The following ARSG variants were observed in gnomAD, a reference collection of about 807,000 sequenced individuals.
ARSG encodes the protein ASG.
Under a neutral mutation model 50.5 loss-of-function variants are expected in ARSG, and 37 were observed. The ratio of observed to expected loss-of-function variants is 0.73; its 90% CI spans 0.56 to 0.96. The LOEUF is 0.96. Ranked by LOEUF, ARSG falls within the 50% of genes least tolerant of loss-of-function variation. The probability of loss-of-function intolerance (pLI) is 0.00; values close to 1 mark genes in which losing one functional copy is unlikely to be tolerated. For missense variants in ARSG, 629 were observed against 675.3 expected (o/e 0.93, Z 0.76); for synonymous variants, 225 against 254.6 (o/e 0.88, Z 1.11).
the ARSG span, chr17:68,428,676 G>A: frequency 4.9e-6 from 3 of 618,430 alleles, no homozygotes; most frequent in South Asian, 3.8e-5. Flanking sequence ...ACAGAGCCCG[G>A]TGCAGAGCAC....
chr17:68,357,348 T>C (rs2079078022), intron 6 of ARSG, among the ~76,000 whole-genome samples: 1 of 152,150 alleles, frequency 6.6e-6, no homozygotes, highest in Non-Finnish European at 1.5e-5. Flanking sequence ...GAGGATTCCT[T>C]CCTTGCCTTT....
intron 2 of ARSG, among the ~76,000 whole-genome samples, chr17:68,323,036 GCTCTCT>G (rs58760851): frequency 1.4e-5 from 2 of 147,478 alleles, no homozygotes; most frequent in East Asian, 2.0e-4. Flanking sequence ...ATAAGAGAGG[GCTCTCT>G]CTCTCTCTCT....
intron 10 of ARSG, among the ~76,000 whole-genome samples, chr17:68,396,417 A>C (rs2081253362): frequency 6.6e-6 from 1 of 152,098 alleles, no homozygotes; most frequent in Non-Finnish European, 1.5e-5. Context: ...TGAAGCACTC[A>C]TTGGCAGTGA....
Position 68,307,316 on chromosome 17 carries a change from C to T in ARSG, c.-178C>T. On this transcript the variant is annotated 5_prime_UTR_variant, in exon 2 of 12. Transcript: ENST00000621439. ...ATGGGGGCCTCATTTCTACAGCCCC[C>T]AACATTCCTATAGCCGTTATCACTG... is the stretch of plus-strand genomic sequence containing the variant. 1.7e-6 allele frequency: 1 copy of T among 588,240 alleles called. No individual in the cohort carries two copies. Among genetic ancestry groups the T allele is most frequent in the East Asian group, 2.8e-5 (1 of 35,650 alleles). The allele number at this position is 588,240 out of a possible 1,614,324, so 36.4% of individuals were successfully genotyped here. A position where few individuals can be genotyped will look rare whatever the true frequency, so the allele number is the denominator to read the frequency against.
intron 6 of ARSG, among the ~76,000 whole-genome samples, chr17:68,364,562 G>T (rs2079452181): frequency 6.6e-6 from 1 of 152,116 alleles, no homozygotes; most frequent in African/African-American, 2.4e-5. Flanking sequence ...GTTTCACCAT[G>T]TTGGCCAGGC....
chr17:68,444,260 A>G, the ARSG span, among the ~76,000 whole-genome samples: 18 of 152,244 alleles, frequency 1.2e-4, no homozygotes, highest in African/African-American at 4.1e-4. Flanking sequence ...GGTCCCAGAC[A>G]AAGGGTGTTG....
At chr17:68,408,357 G>A (rs1419793455) in intron 11 of ARSG, among the ~76,000 whole-genome samples, 1 of 143,106 alleles carries the variant, frequency 7.0e-6, no homozygotes, top group Non-Finnish European at 1.5e-5. Flanking sequence ...TCCCACCTAT[G>A]AGTGAGAAGA....
At chr17:68,345,679 A>T (rs1270049599) in intron 3 of ARSG, among the ~76,000 whole-genome samples, 1 of 152,140 alleles carries the variant, frequency 6.6e-6, no homozygotes, top group African/African-American at 2.4e-5. Flanking sequence ...GTCCATGTTT[A>T]TGTGTTGCCT....
rs186694744 is a variant in ARSG, at chr17:68,268,970, A to G, written c.-552+9544A>G. 1,375 of 1,516,618 alleles carry G rather than the reference A, an allele frequency of 9.1e-4. 7 individuals are homozygous for G. The highest frequency in any genetic ancestry group is 7.1e-3 in the Admixed American group (327 of 45,856). The allele number at this position is 1,516,618 out of a possible 1,614,324, so 93.9% of individuals were successfully genotyped here. ...TGTTGGTAGTGCTCTTCACATACAC[A>G]TTCCCTTTAAAATGTAGTTTTGAAA... On this transcript the variant is annotated intron_variant, in intron 1 of 11. Transcript: ENST00000448504.
intron 4 of ARSG, among the ~76,000 whole-genome samples, chr17:68,349,775 C>T (rs1042601194): frequency 5.3e-5 from 8 of 151,722 alleles, no homozygotes; most frequent in African/African-American, 9.7e-5. Context: ...CCCAGCTACT[C>T]GGGAGGCTGA....
intron 7 of ARSG, among the ~76,000 whole-genome samples, chr17:68,369,540 A>AC (rs940410052): frequency 6.0e-5 from 8 of 133,328 alleles, no homozygotes; most frequent in African/African-American, 2.4e-4. Flanking sequence ...ACTCTGTCTC[A>AC]AAAAAAAAAA....
intron 11 of ARSG, among the ~76,000 whole-genome samples, chr17:68,407,433 G>A (rs1361290979): frequency 6.6e-6 from 1 of 152,120 alleles, no homozygotes; most frequent in East Asian, 1.9e-4. Flanking sequence ...TGTTGGATTT[G>A]TAGATTGTTT....
At chr17:68,426,252 G>GGGGGGGGTGGGGT, downstream of ARSG, 1 of 828,188 alleles carries the variant, frequency 1.2e-6, no homozygotes, top group Non-Finnish European at 1.9e-6. Context: ...TGGGGAGCGG[G>GGGGGGGGTGGGGT]GGCTCAAATA....
At chr17:68,426,251 G>GGGGGGC, downstream of ARSG, 1 of 825,460 alleles carries the variant, frequency 1.2e-6, no homozygotes, top group South Asian at 1.3e-5. Context: ...GTGGGGAGCG[G>GGGGGGC]GGGCTCAAAT....
intron 9 of ARSG, among the ~76,000 whole-genome samples, chr17:68,389,439 T>C (rs972701860): frequency 7.2e-5 from 11 of 151,944 alleles, no homozygotes; most frequent in African/African-American, 2.4e-4. Flanking sequence ...TTGCCCCTCA[T>C]GTCTCCACGG....
intron 11 of ARSG, among the ~76,000 whole-genome samples, chr17:68,405,016 G>C (rs1438339017): frequency 1.3e-5 from 2 of 151,442 alleles, no homozygotes; most frequent in African/African-American, 4.9e-5. Context: ...AATTTCCACT[G>C]TCTATTCTAT....
the ARSG span, among the ~76,000 whole-genome samples, chr17:68,431,964 C>T: frequency 2.6e-5 from 4 of 152,182 alleles, no homozygotes; most frequent in Non-Finnish European, 4.4e-5. Context: ...AGCTCAGCCG[C>T]CCTCTAGTGC....
intron 10 of ARSG, 183 bp from the exon 11 acceptor site, chr17:68,401,177 C>T: frequency 1.7e-6 from 1 of 583,732 alleles, no homozygotes. Flanking sequence ...TGTGCACCAC[C>T]ATGCCTGGTT....
the ARSG span, chr17:68,434,612 C>T: frequency 1.2e-6 from 2 of 1,613,902 alleles, no homozygotes; most frequent in Admixed American, 3.3e-5. Context: ...CAGAGAACAC[C>T]CGGATGACTG....
Sources: gnomAD v4.1 joint callset for allele counts (sites outside exome capture counted in the v4.1 genomes callset) on GRCh38, gnomAD v4.1.1 for gene constraint, MANE v1.5 for transcripts, NCBI Gene and HGNC (gene_info 2026-07-23, HGNC 2026-07-21) for gene names.